Variants in CLVS1 observed in about 807,000 individuals in gnomAD.
The protein encoded by CLVS1 is clavesin-1.
CLVS1 carries 10 observed loss-of-function variants against 33.1 expected under a neutral mutation model. That is an observed-to-expected ratio of 0.30 (90% CI 0.19 to 0.51). The LOEUF (loss-of-function observed/expected upper bound fraction) is 0.51, where lower values mean the gene tolerates loss of function less well. Ranked by LOEUF, CLVS1 falls within the 20% of genes least tolerant of loss-of-function variation. CLVS1 has a pLI of 0.97. For synonymous variants in CLVS1, 163 were observed against 166.1 expected (o/e 0.98, Z 0.14); for missense variants, 343 against 433.4 (o/e 0.79, Z 1.85).
At chr8:61,356,658 T>A (rs1275189483) in intron 2 of CLVS1, among the ~76,000 whole-genome samples, 4 of 152,196 alleles carry the variant, frequency 2.6e-5, no homozygotes, top group Non-Finnish European at 5.9e-5. Flanking sequence ...CCAGCACCAT[T>A]TATTAAATAG....
chr8:61,063,651 C>T (rs1184787992), intron 1 of CLVS1, among the ~76,000 whole-genome samples: 1 of 152,156 alleles, frequency 6.6e-6, no homozygotes, highest in East Asian at 1.9e-4. Context: ...AGAAAGGCAG[C>T]ATTCATTCCA....
At chr8:61,081,801 G>A (rs1323214689) in intron 1 of CLVS1, among the ~76,000 whole-genome samples, 1 of 152,188 alleles carries the variant, frequency 6.6e-6, no homozygotes, top group Non-Finnish European at 1.5e-5. Flanking sequence ...TAGAGAGACA[G>A]ACAGGAAGTT....
chr8:61,025,334 A>C, the CLVS1 span, among the ~76,000 whole-genome samples: 1 of 152,250 alleles, frequency 6.6e-6, no homozygotes, highest in Non-Finnish European at 1.5e-5. Flanking sequence ...TGCATGTGTT[A>C]GGTTACAAAT....
At chr8:61,079,454 G>C (rs140201601) in intron 1 of CLVS1, among the ~76,000 whole-genome samples, 1 of 152,302 alleles carries the variant, frequency 6.6e-6, no homozygotes, top group Non-Finnish European at 1.5e-5. Flanking sequence ...AGGTTTAATG[G>C]TGTGAGTTGG....
At chr8:61,370,101 T>C (rs982173259) in intron 2 of CLVS1, among the ~76,000 whole-genome samples, 1 of 152,194 alleles carries the variant, frequency 6.6e-6, no homozygotes, top group Non-Finnish European at 1.5e-5. Flanking sequence ...ACTTTGTGGT[T>C]TGTGGTGGAC....
At chr8:61,482,418 A>G (rs1216914992) in intron 5 of CLVS1, among the ~76,000 whole-genome samples, 1 of 152,238 alleles carries the variant, frequency 6.6e-6, no homozygotes, top group Non-Finnish European at 1.5e-5. Context: ...GAGCTAAAGG[A>G]GGATGTTCGA....
chr8:61,160,334 C>G (rs145127293), intron 2 of CLVS1, among the ~76,000 whole-genome samples: 2,245 of 152,292 alleles, frequency 0.015, 24 homozygotes, highest in Non-Finnish European at 0.024. Flanking sequence ...TTTAGCTTTT[C>G]TTTTACCCAT....
intron 3 of CLVS1, among the ~76,000 whole-genome samples, chr8:61,389,311 G>A (rs942470873): frequency 3.9e-5 from 6 of 152,216 alleles, no homozygotes; most frequent in East Asian, 1.9e-4. Context: ...AGGCCGAGGC[G>A]GGTGGGTCAC....
At chr8:61,335,308 AC>A (rs1563501606) in intron 2 of CLVS1, among the ~76,000 whole-genome samples, 3 of 152,214 alleles carry the variant, frequency 2.0e-5, no homozygotes, top group Admixed American at 6.5e-5. Flanking sequence ...TTGGGAAAGG[AC>A]TTTTACCTTC....
chr8:61,400,601 G>C (rs957814415), intron 3 of CLVS1, among the ~76,000 whole-genome samples: 5 of 152,134 alleles, frequency 3.3e-5, no homozygotes, highest in Non-Finnish European at 7.3e-5. Context: ...GTGCATCCTT[G>C]TCTTGTGCCA....
Position 61,334,785 on chromosome 8 carries a change from A to C in CLVS1, c.455+34503A>C, listed in dbSNP as rs7014193. On this transcript the variant is annotated intron_variant, in intron 2 of 5. Coordinates refer to ENST00000325897, the MANE Select transcript of CLVS1 (RefSeq NM_173519.3). ...GGTGGGAACACACCATTTGGGCCAA[A>C]CTGTAACTGCCCAAGGGGTTCACCT... 4.6e-3 allele frequency among the ~76,000 whole-genome samples: 705 copies of C among 152,258 alleles called. 11 individuals carry two copies. The highest frequency in any genetic ancestry group is 0.017 in the African/African-American group (688 of 41,558).
intron 2 of CLVS1, among the ~76,000 whole-genome samples, chr8:61,345,638 ATG>A (rs1004446368): frequency 0.029 from 3,720 of 129,720 alleles, 82 homozygotes; most frequent in African/African-American, 0.078. Flanking sequence ...GTGTGTGTGT[ATG>A]TGTGTGTGTG....
At chr8:61,240,256 C>T (rs1442201043) in intron 2 of CLVS1, among the ~76,000 whole-genome samples, 2 of 152,208 alleles carry the variant, frequency 1.3e-5, no homozygotes, top group African/African-American at 2.4e-5. Flanking sequence ...GTCTTTTCTT[C>T]TCTCACCTCC....
In CLVS1 at chr8:61,347,932, T is replaced by C. The variant is rs554601551; in HGVS notation, c.456-28673T>C. Among the ~76,000 whole-genome samples the C allele has an allele frequency of 1.8e-4, 28 of 151,668 alleles. 1 individual carries two copies. The South Asian group carries it at 5.9e-3, about 32-fold the overall frequency. ...TCCCTTTTCTCCATATTCTTTCCATTAACATATGCATTGCCTCACCTACTT... is the reference window on the plus strand; with the variant it reads ...TCCCTTTTCTCCATATTCTTTCCATCAACATATGCATTGCCTCACCTACTT... On this transcript the variant is annotated intron_variant, in intron 2 of 5. Transcript: ENST00000325897.
chr8:61,047,383 G>T, the CLVS1 span, among the ~76,000 whole-genome samples: 1 of 152,194 alleles, frequency 6.6e-6, no homozygotes, highest in African/African-American at 2.4e-5. Flanking sequence ...TTCAACCATT[G>T]TGGAAGTCAG....
At chr8:61,374,212 A>C (rs956691745) in intron 2 of CLVS1, among the ~76,000 whole-genome samples, 2 of 152,182 alleles carry the variant, frequency 1.3e-5, no homozygotes, top group African/African-American at 4.8e-5. Context: ...CAGTAATGCA[A>C]TCTGTCATAC....
chr8:61,466,388 A>G (rs1229402727), intron 5 of CLVS1, among the ~76,000 whole-genome samples: 1 of 152,210 alleles, frequency 6.6e-6, no homozygotes, highest in East Asian at 1.9e-4. Flanking sequence ...ACAGGAGATC[A>G]TAATGCCTAA....
intron 3 of CLVS1, among the ~76,000 whole-genome samples, chr8:61,432,787 A>G (rs901889944): frequency 6.6e-6 from 1 of 152,250 alleles, no homozygotes; most frequent in African/African-American, 2.4e-5. Context: ...GCAGATCTCA[A>G]TCAATTCAGA....
the CLVS1 span, among the ~76,000 whole-genome samples, chr8:60,988,233 G>A: frequency 6.6e-6 from 1 of 152,140 alleles, no homozygotes; most frequent in Admixed American, 6.5e-5. Context: ...GTAGAGACTG[G>A]GGGGTGCAGA....
Sources: allele counts gnomAD v4.1 joint callset (sites outside exome capture counted in the v4.1 genomes callset), GRCh38; gene constraint gnomAD v4.1.1; transcripts MANE v1.5; gene names NCBI Gene and HGNC (gene_info 2026-07-23, HGNC 2026-07-21).